The following ATRNL1 variants were observed in gnomAD, a reference collection of about 807,000 sequenced individuals.
ATRNL1 encodes attractin-like protein 1.
A neutral mutation model predicts 182.7 loss-of-function variants in ATRNL1; 95 were observed. The observed-to-expected ratio is 0.52, with a 90% CI of 0.44 to 0.62. The LOEUF (loss-of-function observed/expected upper bound fraction) is 0.62. Ranked by LOEUF, ATRNL1 falls within the 20% of genes least tolerant of loss-of-function variation. The probability of loss-of-function intolerance (pLI) is 0.00; values close to 1 mark genes in which losing one functional copy is unlikely to be tolerated. For synonymous variants in ATRNL1, 576 were observed against 568.3 expected, an observed-to-expected ratio of 1.01 and a Z score of -0.19; for missense variants, 1,471 against 1,679.5, an observed-to-expected ratio of 0.88 and a Z score of 2.17.
At chr10:115,255,352 C>T (rs576521602) in intron 10 of ATRNL1, among the ~76,000 whole-genome samples, 2 of 152,292 alleles carry the variant, frequency 1.3e-5, no homozygotes, top group East Asian at 3.9e-4. Context: ...AACTCCTTCA[C>T]ATCCCTTGTA....
chr10:115,441,813 G>C (rs1390492953), intron 21 of ATRNL1, among the ~76,000 whole-genome samples: 1 of 151,854 alleles, frequency 6.6e-6, no homozygotes, highest in African/African-American at 2.4e-5. Context: ...ATATCTGAAA[G>C]CCTTCTTTGA....
chr10:115,795,700 G>C (rs1425069008), intron 27 of ATRNL1, among the ~76,000 whole-genome samples: 1 of 152,014 alleles, frequency 6.6e-6, no homozygotes, highest in Admixed American at 6.5e-5. Flanking sequence ...CAAAAGAGGA[G>C]GTGCTAAATG....
chr10:115,588,469 C>G (rs1189899977), intron 26 of ATRNL1, among the ~76,000 whole-genome samples: 1 of 152,200 alleles, frequency 6.6e-6, no homozygotes, highest in Non-Finnish European at 1.5e-5. Flanking sequence ...TGGCCTTCCA[C>G]AGTATTCTGT....
chr10:115,432,386 G>A (rs538779138), intron 21 of ATRNL1, among the ~76,000 whole-genome samples: 79 of 151,988 alleles, frequency 5.2e-4, no homozygotes, highest in Non-Finnish European at 1.0e-3. Context: ...GAAGCATAAT[G>A]GTAAAGCACT....
chr10:115,869,941 G>T (rs1951537960), intron 28 of ATRNL1, among the ~76,000 whole-genome samples: 1 of 127,274 alleles, frequency 7.9e-6, no homozygotes. Flanking sequence ...TCCTCTTCTT[G>T]GGTATTTATG....
At chr10:115,211,233 A>AATGAC (rs1319815202) in intron 8 of ATRNL1, among the ~76,000 whole-genome samples, 1 of 151,040 alleles carries the variant, frequency 6.6e-6, no homozygotes, top group Admixed American at 6.6e-5. Flanking sequence ...GAGACCTGCT[A>AATGAC]ATGACAAATT....
At chr10:115,534,448 AT>A (rs1851827236) in intron 25 of ATRNL1, among the ~76,000 whole-genome samples, 1 of 152,016 alleles carries the variant, frequency 6.6e-6, no homozygotes. Context: ...TTTGTTTTCC[AT>A]TTGCTTGGCA....
At chr10:115,153,924 T>C (rs1324704310) in intron 5 of ATRNL1, among the ~76,000 whole-genome samples, 1 of 151,860 alleles carries the variant, frequency 6.6e-6, no homozygotes, top group Non-Finnish European at 1.5e-5. Context: ...TTGTTCTCAT[T>C]GGTTTCAAGA....
chr10:115,251,842 C>T lies in ATRNL1; in HGVS notation c.1687+10117C>T, dbSNP rs552010442. 5.3e-5 allele frequency among the ~76,000 whole-genome samples: 8 copies of T among 152,308 alleles called. No individual in the cohort carries two copies. In the South Asian group the frequency reaches 1.7e-3, roughly 32 times the overall value. ...TCCAGATAGCAAGTGAACATCACCT[C>T]TTGTGGCATCCTTGTCAGAAAGGAA... On this transcript the variant is annotated intron_variant, in intron 10 of 28. Coordinates refer to ENST00000355044, the MANE Select transcript of ATRNL1 (RefSeq NM_207303.4).
chr10:115,311,800 A>G (rs1266832446), intron 17 of ATRNL1, among the ~76,000 whole-genome samples: 6 of 151,892 alleles, frequency 4.0e-5, no homozygotes, highest in Non-Finnish European at 8.8e-5. Flanking sequence ...TTAGGTGCAT[A>G]TATATTTTAG....
At chr10:115,189,379 G>A (rs1848080255) in intron 8 of ATRNL1, among the ~76,000 whole-genome samples, 1 of 151,994 alleles carries the variant, frequency 6.6e-6, no homozygotes. Flanking sequence ...TAGGCAGGAG[G>A]TATTCCAGAA....
intron 15 of ATRNL1, among the ~76,000 whole-genome samples, chr10:115,289,052 A>G (rs996243142): frequency 2.0e-5 from 3 of 152,202 alleles, no homozygotes; most frequent in African/African-American, 4.8e-5. Flanking sequence ...ACAGTTCCAC[A>G]TGGCTGGGGA....
chr10:115,862,417 T>C (rs1190320686), intron 28 of ATRNL1, among the ~76,000 whole-genome samples: 3 of 152,218 alleles, frequency 2.0e-5, no homozygotes, highest in Admixed American at 6.5e-5. Flanking sequence ...GTCACAGCAC[T>C]CCTAAGTTCC....
At chr10:115,545,733 T>G (rs1401411542) in intron 25 of ATRNL1, among the ~76,000 whole-genome samples, 1 of 152,234 alleles carries the variant, frequency 6.6e-6, no homozygotes, top group African/African-American at 2.4e-5. Flanking sequence ...ATTTAAGTTG[T>G]ATCTACTGAA....
intron 21 of ATRNL1, among the ~76,000 whole-genome samples, chr10:115,434,618 TAAG>T (rs1321097527): frequency 1.3e-5 from 2 of 152,134 alleles, no homozygotes; most frequent in Non-Finnish European, 2.9e-5. Context: ...TTTTTTCAAA[TAAG>T]AAATATTCAT....
At chr10:115,785,255 TG>T (rs1398783904) in intron 27 of ATRNL1, among the ~76,000 whole-genome samples, 3 of 152,242 alleles carry the variant, frequency 2.0e-5, no homozygotes, top group African/African-American at 7.2e-5. Flanking sequence ...AAGGGATCAC[TG>T]GTTCCAAGCA....
At chr10:115,267,558 T>A (rs1554911266) in intron 12 of ATRNL1, among the ~76,000 whole-genome samples, 1 of 152,038 alleles carries the variant, frequency 6.6e-6, no homozygotes, top group Non-Finnish European at 1.5e-5. Flanking sequence ...TTTAGTTTTT[T>A]AAGTGCTGAG....
At chr10:115,409,599 A>G (rs1845033022) in intron 20 of ATRNL1, among the ~76,000 whole-genome samples, 1 of 152,082 alleles carries the variant, frequency 6.6e-6, no homozygotes, top group Non-Finnish European at 1.5e-5. Flanking sequence ...GACTTTCAAC[A>G]CTATGTTGGA....
rs1280508188 is a variant in ATRNL1 at position 115,136,528 on chromosome 10, A to G, written c.829+6993A>G. Among the ~76,000 whole-genome samples the G allele has an allele frequency of 3.3e-5, 5 of 152,216 alleles. 1 individual carries two copies. Among genetic ancestry groups the G allele is most frequent in the South Asian group, 4.1e-4 (2 of 4,826 alleles). ...TGGGTTTGGACAAATGTATCATTAC[A>G]TGTATCCACCATTATAGTATCAACA... On this transcript the variant is annotated intron_variant, in intron 5 of 28. Transcript: ENST00000355044.
Sources: allele counts gnomAD v4.1 joint callset (sites outside exome capture counted in the v4.1 genomes callset), GRCh38; gene constraint gnomAD v4.1.1; transcripts MANE v1.5; gene names NCBI Gene and HGNC (gene_info 2026-07-23, HGNC 2026-07-21).